SYCP2L: variants seen among roughly 807,000 people sequenced by gnomAD.
The protein encoded by SYCP2L is synaptonemal complex protein 2 like, also known as synaptonemal complex protein 2-like.
SYCP2L carries 98 observed loss-of-function variants against 125.8 expected under a neutral mutation model. The ratio of observed to expected loss-of-function variants is 0.78; its 90% CI spans 0.66 to 0.92. The LOEUF (loss-of-function observed/expected upper bound fraction) is 0.92, where lower values mean the gene tolerates loss of function less well. Among genes scored for constraint, SYCP2L ranks in the 40% least tolerant of loss-of-function variants. The pLI, the probability that SYCP2L is intolerant of heterozygous loss-of-function variation, is 0.00. For synonymous variants in SYCP2L, 317 were observed against 325.4 expected (o/e 0.97, Z 0.28); for missense variants, 842 against 936.4 (o/e 0.90, Z 1.32).
At chr6:10,952,459 T>C (rs1416154971) in intron 23 of SYCP2L, among the ~76,000 whole-genome samples, 1 of 152,162 alleles carries the variant, frequency 6.6e-6, no homozygotes, top group Non-Finnish European at 1.5e-5. Context: ...CCTGGATTTC[T>C]CTCTTTGGTG....
intron 23 of SYCP2L, among the ~76,000 whole-genome samples, chr6:10,946,862 A>G (rs1225164583): frequency 6.6e-6 from 1 of 151,938 alleles, no homozygotes; most frequent in African/African-American, 2.4e-5. Context: ...TGGCATTTGT[A>G]GGGAATCTGG....
At chr6:10,919,768 G>A (rs1341221622) in intron 14 of SYCP2L, among the ~76,000 whole-genome samples, 1 of 152,070 alleles carries the variant, frequency 6.6e-6, no homozygotes, top group Non-Finnish European at 1.5e-5. Flanking sequence ...GTGGGGATAT[G>A]GGTGAGGTTC....
intron 8 of SYCP2L, among the ~76,000 whole-genome samples, chr6:10,905,696 G>T (rs1464401459): frequency 6.6e-6 from 1 of 152,180 alleles, no homozygotes; most frequent in East Asian, 1.9e-4. Flanking sequence ...GCCCTCACAG[G>T]TTGGTGCGGT....
Position 10,930,407 on chromosome 6 carries a change from ATCAAGAT to A in SYCP2L, c.1532_1538del (p.Asp511ValfsTer16). On this transcript the variant is annotated frameshift_variant, in exon 19 of 30. Transcript: ENST00000283141. LOFTEE classifies it high-confidence loss of function. ...AGAAAACATCTCTTCTCTGAGAGTAATCAAGATTCAAGTACCAGTGAACTATCTTGGA... is the reference window on the plus strand; with the variant it reads ...AGAAAACATCTCTTCTCTGAGAGTAATCAAGTACCAGTGAACTATCTTGGA... 1 of 1,613,640 alleles carries A rather than the reference ATCAAGAT, an allele frequency of 6.2e-7. No individual in the cohort carries two copies. Among genetic ancestry groups the A allele is most frequent in the Non-Finnish European group, 8.5e-7 (1 of 1,179,804 alleles).
chr6:10,910,906 T>C (rs769544027), intron 12 of SYCP2L, 37 bp downstream of exon 12: 8 of 1,611,376 alleles, frequency 5.0e-6, no homozygotes, highest in Non-Finnish European at 5.9e-6. Flanking sequence ...GAGGGCGGTG[T>C]GCAGTGAAAC....
Position 10,912,210 on chromosome 6 carries a change from G to T in SYCP2L, c.919-463G>T, listed in dbSNP as rs1376855033. Among the ~76,000 whole-genome samples the T allele has an allele frequency of 6.6e-6, 1 of 151,968 alleles. No individual in the cohort carries two copies. Among genetic ancestry groups the T allele is most frequent in the Non-Finnish European group, 1.5e-5 (1 of 68,006 alleles). On this transcript the variant is annotated intron_variant, in intron 12 of 29. Transcript: ENST00000283141. This position sits in a 1 kb window ranked among gnomAD's most constrained non-coding sequence, Gnocchi z 4.1. The stretch of plus-strand genomic sequence containing the variant: ...TAACTCTAAGCATCTATTTATTTTA[G>T]AATAATTAAAATGAAGGAAATTTGA...
intron 14 of SYCP2L, among the ~76,000 whole-genome samples, chr6:10,915,104 G>T (rs9461307): frequency 0.014 from 2,194 of 152,182 alleles, 49 homozygotes; most frequent in African/African-American, 0.05. Context: ...TTGAGTTCTT[G>T]ATTTGATTCT....
chr6:10,892,891 A>G (rs574886418), intron 2 of SYCP2L, among the ~76,000 whole-genome samples: 4 of 152,318 alleles, frequency 2.6e-5, no homozygotes, highest in African/African-American at 9.6e-5. Context: ...GGCTGTATAT[A>G]GTAAATTGCT....
In SYCP2L at chr6:10,894,067, A is replaced by T. The variant is rs1345693884; in HGVS notation, c.217-18A>T. 4.4e-6 allele frequency: 7 copies of T among 1,603,902 alleles called. No homozygotes were observed. The highest frequency in any genetic ancestry group is 4.2e-6 in the Non-Finnish European group (5 of 1,177,570). On this transcript the variant is annotated intron_variant, in intron 3 of 29. Transcript: ENST00000283141. ...TAATTATTTATAAGTGTTTTAACTT[A>T]GTGTGGTTTATACCTAGGAACTAGA...
chr6:10,912,814 T>C lies in SYCP2L; in HGVS notation c.1011+49T>C. On this transcript the variant is annotated intron_variant, in intron 13 of 29. Transcript: ENST00000283141. The surrounding 1 kb of genome is among the most constrained non-coding windows in gnomAD (Gnocchi z 4.1). ...AGAACTAAGCCTTTAGAGATCTTTT[T>C]TATGTAAGTATGTGTTTTGCACTCA... 6.2e-7 allele frequency: 1 copy of C among 1,609,134 alleles called. No homozygotes were observed. The highest frequency in any genetic ancestry group is 8.5e-7 in the Non-Finnish European group (1 of 1,175,986).
At chr6:10,898,527 C>T (rs1780323371) in intron 5 of SYCP2L, among the ~76,000 whole-genome samples, 1 of 152,038 alleles carries the variant, frequency 6.6e-6, no homozygotes, top group South Asian at 2.1e-4. Context: ...AAACAAAAGA[C>T]TCTCGTGTTT....
chr6:10,947,755 C>G (rs1781341474), intron 23 of SYCP2L, among the ~76,000 whole-genome samples: 1 of 152,034 alleles, frequency 6.6e-6, no homozygotes, highest in South Asian at 2.1e-4. Context: ...TTCTTCATAG[C>G]ATTGGCCAAT....
At chr6:10,967,439 G>A (rs2113429413) in intron 29 of SYCP2L, among the ~76,000 whole-genome samples, 1 of 148,320 alleles carries the variant, frequency 6.7e-6, no homozygotes, top group African/African-American at 2.5e-5. Context: ...TATTAGTTAT[G>A]TGTATGGGGT....
At position 10,958,792 on chromosome 6, in the gene SYCP2L, C is replaced by T; in HGVS notation, c.2172C>T (p.Tyr724=). The change falls in exon 26 of 30, where the codon TAC becomes TAT. Residue 724 remains tyrosine, a synonymous_variant. Transcript: ENST00000283141. The stretch of plus-strand genomic sequence containing the variant: ...TTGTTGTTATGATTTAGCTTAGGTA[C>T]AGAAAGCGTCCGTTTAATTCAGAAA... The part of the protein sequence containing the change: ...KKRKRKYELR[Y]RKRPFNSENA... The T allele has an allele frequency of 1.2e-6, 2 of 1,612,834 alleles. No homozygotes were observed. The highest frequency in any genetic ancestry group is 1.1e-5 in the South Asian group (1 of 90,870).
intron 19 of SYCP2L, 141 bp from the exon 20 acceptor site, chr6:10,931,299 A>G: frequency 1.4e-6 from 1 of 733,156 alleles, no homozygotes; most frequent in Admixed American, 2.3e-5. Context: ...TAATCAGGAA[A>G]GGATCTTAAG....
chr6:10,919,455 C>A (rs1780751266), intron 14 of SYCP2L, among the ~76,000 whole-genome samples: 1 of 152,200 alleles, frequency 6.6e-6, no homozygotes, highest in African/African-American at 2.4e-5. Flanking sequence ...CCATGGATAC[C>A]AGCACCTGTT....
intron 4 of SYCP2L, among the ~76,000 whole-genome samples, chr6:10,896,047 G>A (rs1161877156): frequency 2.6e-5 from 4 of 152,120 alleles, no homozygotes; most frequent in Non-Finnish European, 4.4e-5. Flanking sequence ...CCAGCTACTT[G>A]GGAAACTGAG....
At chr6:10,904,364 A>G (rs1780444912) in intron 8 of SYCP2L, among the ~76,000 whole-genome samples, 1 of 152,216 alleles carries the variant, frequency 6.6e-6, no homozygotes, top group African/African-American at 2.4e-5. Context: ...AGCGCGGAGG[A>G]CATCATGGTG....
At chr6:10,927,419 G>C (rs1162625134) in intron 17 of SYCP2L, 52 bp downstream of exon 17, 1 of 1,475,312 alleles carries the variant, frequency 6.8e-7, no homozygotes, top group African/African-American at 1.4e-5. Context: ...GAAATAAAGG[G>C]ACGGACTACA....
Sources: allele counts gnomAD v4.1 joint callset (sites outside exome capture counted in the v4.1 genomes callset), GRCh38; gene constraint gnomAD v4.1.1; non-coding constraint Gnocchi (gnomAD v3.1); transcripts MANE v1.5; gene names NCBI Gene and HGNC (gene_info 2026-07-23, HGNC 2026-07-21).